The following MCC variants were observed in gnomAD, a reference collection of about 807,000 sequenced individuals.
MCC encodes MCC regulator of Wnt signaling pathway.
Under a neutral mutation model 116.2 loss-of-function variants are expected in MCC, and 90 were observed. The observed-to-expected ratio is 0.77, with a 90% CI of 0.65 to 0.92. The LOEUF is 0.92. MCC is among the 40% of genes least tolerant of loss of function. The probability of loss-of-function intolerance (pLI) is 0.00; values close to 1 mark genes in which losing one functional copy is unlikely to be tolerated. For missense variants in MCC, 1,516 were observed against 1,312.2 expected (o/e 1.16, Z -2.40); for synonymous variants, 578 against 510.5 (o/e 1.13, Z -1.78).
chr5:113,318,916 G>T (rs147901490), intron 3 of MCC, among the ~76,000 whole-genome samples: 435 of 152,232 alleles, frequency 2.9e-3, no homozygotes, highest in Non-Finnish European at 3.3e-3. Context: ...GCCCAGGCTG[G>T]AGTGCAGTGG....
intron 6 of MCC, among the ~76,000 whole-genome samples, chr5:113,111,647 C>T (rs561429379): frequency 6.6e-6 from 1 of 152,188 alleles, no homozygotes; most frequent in African/African-American, 2.4e-5. Flanking sequence ...TCAGTGACCA[C>T]AAATACACTA....
chr5:113,197,517 T>C (rs1762471502), intron 3 of MCC, among the ~76,000 whole-genome samples: 1 of 152,162 alleles, frequency 6.6e-6, no homozygotes, highest in Admixed American at 6.6e-5. Flanking sequence ...CTCAAAGCTG[T>C]TGAAATCATA....
intron 16 of MCC, among the ~76,000 whole-genome samples, chr5:113,048,271 G>A (rs1730773202): frequency 6.6e-6 from 1 of 152,188 alleles, no homozygotes; most frequent in Non-Finnish European, 1.5e-5. Flanking sequence ...GTCAACCATG[G>A]TCTGAAAATA....
chr5:113,195,612 A>G (rs577381508), intron 3 of MCC, among the ~76,000 whole-genome samples: 1 of 152,300 alleles, frequency 6.6e-6, no homozygotes, highest in Non-Finnish European at 1.5e-5. Flanking sequence ...AAGAAAGGTA[A>G]TCTTAAGCAC....
intron 1 of MCC, among the ~76,000 whole-genome samples, chr5:113,432,191 G>T (rs1296742608): frequency 6.6e-6 from 1 of 151,854 alleles, no homozygotes; most frequent in Non-Finnish European, 1.5e-5. Flanking sequence ...GGTGGCACGT[G>T]CCTGTAATCC....
intron 2 of MCC, among the ~76,000 whole-genome samples, chr5:113,355,901 C>T (rs1285307225): frequency 6.6e-6 from 1 of 152,032 alleles, no homozygotes; most frequent in Non-Finnish European, 1.5e-5. Flanking sequence ...AGTTTCTCTC[C>T]AGGCCAGTAA....
At chr5:113,163,319 G>T (rs1561417310) in intron 3 of MCC, among the ~76,000 whole-genome samples, 1 of 152,180 alleles carries the variant, frequency 6.6e-6, no homozygotes, top group South Asian at 2.1e-4. Context: ...ATAAGTTTTT[G>T]AATAAATTGT....
chr5:113,167,622 C>T (rs371307487), intron 3 of MCC, among the ~76,000 whole-genome samples: 1 of 152,154 alleles, frequency 6.6e-6, no homozygotes, highest in East Asian at 1.9e-4. Context: ...CCACCTTCCC[C>T]TTTCAATAAC....
intron 1 of MCC, among the ~76,000 whole-genome samples, chr5:113,388,642 T>C (rs908532582): frequency 2.0e-5 from 3 of 152,222 alleles, no homozygotes; most frequent in Non-Finnish European, 4.4e-5. Flanking sequence ...CCGCCATGAT[T>C]GGAAGTGTCC....
intron 3 of MCC, among the ~76,000 whole-genome samples, chr5:113,152,072 C>T (rs1759908886): frequency 6.6e-6 from 1 of 152,170 alleles, no homozygotes; most frequent in Non-Finnish European, 1.5e-5. Context: ...AGGAGCAGCA[C>T]CAGAACTCTG....
At chr5:113,051,377 T>A (rs949601637) in intron 15 of MCC, among the ~76,000 whole-genome samples, 4 of 151,936 alleles carry the variant, frequency 2.6e-5, no homozygotes, top group Admixed American at 2.6e-4. Flanking sequence ...AAATAAAGAT[T>A]TAAAACAAAG....
At chr5:113,106,175 A>G (rs1581072131) in intron 6 of MCC, among the ~76,000 whole-genome samples, 2 of 77,504 alleles carry the variant, frequency 2.6e-5, no homozygotes, top group Non-Finnish European at 2.5e-5. Context: ...CCTTCCCCTC[A>G]TTCACTATGC....
intron 2 of MCC, among the ~76,000 whole-genome samples, chr5:113,372,036 AT>A (rs1448154448): frequency 2.6e-5 from 4 of 152,246 alleles, no homozygotes; most frequent in Non-Finnish European, 5.9e-5. Flanking sequence ...CATAAAAACA[AT>A]GACACTTAAT....
At chr5:113,358,816 C>T (rs560523814) in intron 2 of MCC, among the ~76,000 whole-genome samples, 15 of 152,288 alleles carry the variant, frequency 9.8e-5, no homozygotes, top group Admixed American at 2.6e-4. Context: ...GCTTAGTCCA[C>T]AACAGAATCA....
Position 113,294,332 on chromosome 5 carries a change from A to T in MCC, c.627+46187T>A, listed in dbSNP as rs766100982. The T allele has an allele frequency of 1.7e-5, 27 of 1,613,304 alleles. No homozygotes were observed. In the African/African-American group the frequency reaches 3.5e-4, roughly 21 times the overall value. On this transcript the variant is annotated intron_variant, in intron 3 of 18. Coordinates refer to ENST00000408903, the MANE Select transcript of MCC (RefSeq NM_001085377.2). ...CCCGACCTCAGCTGTTTCTTACCTC[A>T]CTCAGCTCGGCCGAGGAGTCGTTTC... is the stretch of plus-strand genomic sequence containing the variant.
chr5:113,135,451 CG>C (rs200727865), intron 5 of MCC, among the ~76,000 whole-genome samples: 23,181 of 146,908 alleles, frequency 0.16, 2,263 homozygotes, highest in African/African-American at 0.26. Context: ...CCCAGCTACT[CG>C]GGAGGCTGAG....
chr5:113,437,063 T>A (rs1770885175), intron 1 of MCC: 3 of 151,042 alleles, frequency 2.0e-5, no homozygotes, highest in Middle Eastern at 3.4e-3. Context: ...TAGTCACATA[T>A]TGGCTCAGAA....
In MCC at chr5:113,187,427, G is replaced by A. The variant is rs557224967; in HGVS notation, c.628-36005C>T. Reference sequence around the variant, plus strand: ...CCCGGCCTCCTCTGTTTCCTTTTAAGAAGATGAGGCTAAAAGCACTGTCAA... The same window carrying A: ...CCCGGCCTCCTCTGTTTCCTTTTAAAAAGATGAGGCTAAAAGCACTGTCAA... On this transcript the variant is annotated intron_variant, in intron 3 of 18. Transcript: ENST00000408903. Among the ~76,000 whole-genome samples the A allele has an allele frequency of 1.8e-3, 279 of 152,198 alleles. 1 individual carries two copies. The highest frequency in any genetic ancestry group is 3.2e-3 in the Non-Finnish European group (217 of 68,006).
intron 1 of MCC, among the ~76,000 whole-genome samples, chr5:113,486,751 G>A (rs567187731): frequency 9.2e-5 from 14 of 151,852 alleles, no homozygotes; most frequent in African/African-American, 2.4e-4. Flanking sequence ...GCTGAGGCAG[G>A]AGAATCTCTT....
Sources: allele counts gnomAD v4.1 joint callset (sites outside exome capture counted in the v4.1 genomes callset), GRCh38; gene constraint gnomAD v4.1.1; transcripts MANE v1.5; gene names NCBI Gene and HGNC (gene_info 2026-07-23, HGNC 2026-07-21).